The following CTNNBL1 variants were observed in gnomAD, a reference collection of about 807,000 sequenced individuals.
CTNNBL1 encodes beta-catenin-like protein 1.
Under a neutral mutation model 72.7 loss-of-function variants are expected in CTNNBL1, and 31 were observed. The ratio of observed to expected loss-of-function variants is 0.43; its 90% CI spans 0.32 to 0.58. The LOEUF is 0.58. Among genes scored for constraint, CTNNBL1 ranks in the 20% least tolerant of loss-of-function variants. The pLI is 0.08. For missense variants in CTNNBL1, 534 were observed against 725.1 expected, an observed-to-expected ratio of 0.74 and a Z score of 3.03; for synonymous variants, 240 against 267.3, an observed-to-expected ratio of 0.90 and a Z score of 1.00.
At chr20:37,779,830 C>T (rs1449807997) in intron 10 of CTNNBL1, among the ~76,000 whole-genome samples, 1 of 152,082 alleles carries the variant, frequency 6.6e-6, no homozygotes, top group Non-Finnish European at 1.5e-5. Flanking sequence ...CAAGACAGTT[C>T]TAGAAACTTT....
chr20:37,744,585 A>C (rs184409143), intron 3 of CTNNBL1: 32 of 152,306 alleles, frequency 2.1e-4, no homozygotes, highest in African/African-American at 7.7e-4. Flanking sequence ...ATTGATTCAT[A>C]GTCTCTTCTT....
chr20:37,843,631 A>G (rs1361963672), intron 13 of CTNNBL1, among the ~76,000 whole-genome samples: 1 of 152,188 alleles, frequency 6.6e-6, no homozygotes, highest in Non-Finnish European at 1.5e-5. Context: ...CCAACCTATC[A>G]CTGCGCTTTT....
At chr20:37,745,775 T>A (rs1480694343) in intron 3 of CTNNBL1, among the ~76,000 whole-genome samples, 2 of 152,234 alleles carry the variant, frequency 1.3e-5, no homozygotes, top group Non-Finnish European at 2.9e-5. Context: ...CAAGGCTTAA[T>A]CGGCATTTCT....
chr20:37,759,679 G>T (rs1051488802), intron 5 of CTNNBL1, among the ~76,000 whole-genome samples: 42 of 152,244 alleles, frequency 2.8e-4, no homozygotes, highest in African/African-American at 9.9e-4. Context: ...GGTTTATCCT[G>T]GTGGGGCTGG....
intron 11 of CTNNBL1, among the ~76,000 whole-genome samples, chr20:37,820,893 T>G (rs1294946436): frequency 6.6e-6 from 1 of 152,146 alleles, no homozygotes; most frequent in Non-Finnish European, 1.5e-5. Flanking sequence ...ATGAATAAGA[T>G]CACGTGATTT....
chr20:37,711,965 C>T (rs6125956), intron 1 of CTNNBL1, among the ~76,000 whole-genome samples: 10 of 152,064 alleles, frequency 6.6e-5, no homozygotes, highest in Non-Finnish European at 1.0e-4. Flanking sequence ...TTTAAGCTGT[C>T]GAGTGACACA....
At chr20:37,811,724 G>A (rs998591403) in intron 11 of CTNNBL1, among the ~76,000 whole-genome samples, 1 of 152,212 alleles carries the variant, frequency 6.6e-6, no homozygotes, top group Non-Finnish European at 1.5e-5. Flanking sequence ...GAGACAGGAT[G>A]AATTTGCCAT....
chr20:37,829,894 C>T (rs1447909430), intron 11 of CTNNBL1, among the ~76,000 whole-genome samples: 1 of 152,152 alleles, frequency 6.6e-6, no homozygotes, highest in Non-Finnish European at 1.5e-5. Flanking sequence ...TGCAGTAGTG[C>T]GATCATGGCT....
At chr20:37,854,594 T>C (rs1239398913) in intron 13 of CTNNBL1, among the ~76,000 whole-genome samples, 1 of 101,502 alleles carries the variant, frequency 9.9e-6, no homozygotes, top group East Asian at 3.1e-4. Context: ...TTATTATTAT[T>C]ATTATTATTA....
chr20:37,864,188 A>ACCCCCCCCCCCCCCCCCCCCCCC (rs201902096), intron 15 of CTNNBL1, among the ~76,000 whole-genome samples: 1 of 149,180 alleles, frequency 6.7e-6, no homozygotes, highest in African/African-American at 2.6e-5. Flanking sequence ...TTTTCATACC[A>ACCCCCCCCCCCCCCCCCCCCCCC]CGCCCCCCCC....
At chr20:37,712,357 A>G (rs1307736561) in intron 1 of CTNNBL1, among the ~76,000 whole-genome samples, 3 of 152,214 alleles carry the variant, frequency 2.0e-5, no homozygotes, top group Admixed American at 6.5e-5. Flanking sequence ...TTTAGAATCT[A>G]TAAACTTGAT....
chr20:37,790,234 T>A lies in CTNNBL1; in HGVS notation c.1031+10899T>A, dbSNP rs2235480. On this transcript the variant is annotated intron_variant, in intron 10 of 15. Coordinates refer to ENST00000361383, the MANE Select transcript of CTNNBL1 (RefSeq NM_030877.5). Reference sequence around the variant, plus strand: ...GGCCAGCCTGGGGAACTTTGGATTTTTATTCCCTTGTTCTTTTCCTTACTC... The same window carrying A: ...GGCCAGCCTGGGGAACTTTGGATTTATATTCCCTTGTTCTTTTCCTTACTC... 4.8e-3 allele frequency among the ~76,000 whole-genome samples: 738 copies of A among 152,338 alleles called. 23 individuals carry two copies. The East Asian group carries it at 0.086, about 18-fold the overall frequency.
At chr20:37,789,397 A>G (rs1190122408) in intron 10 of CTNNBL1, among the ~76,000 whole-genome samples, 1 of 152,222 alleles carries the variant, frequency 6.6e-6, no homozygotes, top group African/African-American at 2.4e-5. Context: ...ATGAAGTGGT[A>G]GTTTTGTAGT....
At chr20:37,843,658 C>T (rs982209890) in intron 13 of CTNNBL1, among the ~76,000 whole-genome samples, 11 of 152,128 alleles carry the variant, frequency 7.2e-5, no homozygotes, top group Non-Finnish European at 1.6e-4. Context: ...TTCCATCGTC[C>T]AAAAATGTCA....
chr20:37,795,313 T>C (rs1160554061), intron 10 of CTNNBL1, among the ~76,000 whole-genome samples: 1 of 152,016 alleles, frequency 6.6e-6, no homozygotes, highest in Non-Finnish European at 1.5e-5. Flanking sequence ...TGTGCCCAGC[T>C]AATTTAAAAA....
At chr20:37,798,448 G>T (rs1347644539) in intron 10 of CTNNBL1, among the ~76,000 whole-genome samples, 1 of 152,098 alleles carries the variant, frequency 6.6e-6, no homozygotes, top group Non-Finnish European at 1.5e-5. Context: ...ACCCAGACAA[G>T]ACTAAGATAA....
At chr20:37,725,203 G>A (rs916222456) in intron 1 of CTNNBL1, among the ~76,000 whole-genome samples, 2 of 151,782 alleles carry the variant, frequency 1.3e-5, no homozygotes, top group Non-Finnish European at 2.9e-5. Context: ...CACTGCACCC[G>A]GTTGGTCTTG....
chr20:37,817,671 T>C (rs888691549), intron 11 of CTNNBL1, among the ~76,000 whole-genome samples: 7 of 152,230 alleles, frequency 4.6e-5, no homozygotes, highest in African/African-American at 1.7e-4. Flanking sequence ...CTTGTTAAAA[T>C]GCAGATTGTG....
intron 10 of CTNNBL1, among the ~76,000 whole-genome samples, chr20:37,802,273 T>C (rs1039262707): frequency 2.6e-5 from 4 of 152,214 alleles, no homozygotes; most frequent in Non-Finnish European, 5.9e-5. Context: ...ATATATGGTA[T>C]CTACTTACAT....
Sources: allele counts gnomAD v4.1 joint callset (sites outside exome capture counted in the v4.1 genomes callset), GRCh38; gene constraint gnomAD v4.1.1; transcripts MANE v1.5; gene names NCBI Gene and HGNC (gene_info 2026-07-23, HGNC 2026-07-21).